DLGAP2: variants seen among roughly 807,000 people sequenced by gnomAD.
The protein encoded by DLGAP2 is disks large-associated protein 2.
Under a neutral mutation model 100.3 loss-of-function variants are expected in DLGAP2, and 26 were observed. The observed-to-expected ratio is 0.26, with a 90% CI of 0.19 to 0.36. DLGAP2 has a LOEUF of 0.36. DLGAP2 is among the 10% of genes least tolerant of loss of function. The pLI is 1.00. For missense variants in DLGAP2, 1,858 were observed against 1,453.2 expected (o/e 1.28, Z -4.53); for synonymous variants, 886 against 630.1 (o/e 1.41, Z -6.08).
intron 3 of DLGAP2, among the ~76,000 whole-genome samples, chr8:1,497,297 C>A (rs377162406): frequency 5.9e-5 from 9 of 152,224 alleles, no homozygotes; most frequent in Non-Finnish European, 1.3e-4. Context: ...CAGCCTCACA[C>A]ATGGGATGGG....
At chr8:1,369,271 C>T (rs1349182431) in intron 3 of DLGAP2, 1 of 152,068 alleles carries the variant, frequency 6.6e-6, no homozygotes, top group African/African-American at 2.4e-5. Context: ...GCCAGAAGTC[C>T]CAGATGGAGA....
At chr8:1,094,768 C>A (rs1266060629) in intron 2 of DLGAP2, among the ~76,000 whole-genome samples, 1 of 152,208 alleles carries the variant, frequency 6.6e-6, no homozygotes, top group Non-Finnish European at 1.5e-5. Flanking sequence ...AGGTTCTTCT[C>A]TTAGCGTGGG....
chr8:1,313,531 C>G (rs1410110461), intron 3 of DLGAP2, among the ~76,000 whole-genome samples: 6 of 152,028 alleles, frequency 3.9e-5, no homozygotes, highest in Non-Finnish European at 7.4e-5. Flanking sequence ...CAAGAATGGA[C>G]AAACAGTAGT....
chr8:1,461,090 G>A (rs1014877270), intron 3 of DLGAP2, among the ~76,000 whole-genome samples: 2 of 151,484 alleles, frequency 1.3e-5, no homozygotes, highest in Non-Finnish European at 2.9e-5. Context: ...TTGGGAGAAG[G>A]TGCTGCTGTC....
intron 2 of DLGAP2, among the ~76,000 whole-genome samples, chr8:951,110 C>G (rs1038536630): frequency 6.6e-6 from 1 of 152,148 alleles, no homozygotes; most frequent in African/African-American, 2.4e-5. Context: ...CATTGTATTG[C>G]CAATATCTTT....
chr8:1,356,121 A>G (rs941938985), intron 3 of DLGAP2, among the ~76,000 whole-genome samples: 1 of 152,146 alleles, frequency 6.6e-6, no homozygotes, highest in Admixed American at 6.5e-5. Flanking sequence ...CTGGGAGTTG[A>G]CGGACGGTTC....
intron 2 of DLGAP2, among the ~76,000 whole-genome samples, chr8:1,064,549 C>A (rs930358241): frequency 6.6e-6 from 1 of 152,232 alleles, no homozygotes; most frequent in East Asian, 1.9e-4. Context: ...CTCAAAACCA[C>A]CTGCAGTTGT....
intron 1 of DLGAP2, among the ~76,000 whole-genome samples, chr8:893,908 G>C (rs962087878): frequency 6.6e-6 from 1 of 152,224 alleles, no homozygotes; most frequent in African/African-American, 2.4e-5. Flanking sequence ...AGGTTCCCAT[G>C]GTTACTGTTG....
intron 3 of DLGAP2, among the ~76,000 whole-genome samples, chr8:1,282,531 A>G (rs1358071309): frequency 0.012 from 771 of 66,292 alleles, 84 homozygotes; most frequent in African/African-American, 0.064. Flanking sequence ...TGAACCCAGC[A>G]CCCTGAACCA....
intron 3 of DLGAP2, among the ~76,000 whole-genome samples, chr8:1,343,382 C>T (rs556965951): frequency 6.6e-6 from 1 of 152,050 alleles, no homozygotes; most frequent in African/African-American, 2.4e-5. Context: ...CCGGAGTTGC[C>T]CACGAGCCTG....
chr8:752,600 G>A (rs939495594), intron 1 of DLGAP2, among the ~76,000 whole-genome samples: 1 of 152,198 alleles, frequency 6.6e-6, no homozygotes, highest in African/African-American at 2.4e-5. Flanking sequence ...TCTCCAGACA[G>A]CTCTGTCCTT....
intron 8 of DLGAP2, among the ~76,000 whole-genome samples, chr8:1,655,435 A>G (rs559470259): frequency 6.6e-6 from 1 of 152,354 alleles, no homozygotes; most frequent in African/African-American, 2.4e-5. Flanking sequence ...GTTACATTCA[A>G]ATAGAATGGC....
At chr8:1,241,958 A>T (rs1218137448) in intron 2 of DLGAP2, among the ~76,000 whole-genome samples, 1 of 152,226 alleles carries the variant, frequency 6.6e-6, no homozygotes, top group Non-Finnish European at 1.5e-5. Context: ...CACTGCCTCT[A>T]CTGAAACATT....
rs1799146161 is a variant in DLGAP2 at position 1,254,974 on chromosome 8, T to TGTGTGTGTGTCCTCTCATCCTGC, written c.74-3877_74-3876insGTGTGTGTGTCCTCTCATCCTGC. On this transcript the variant is annotated intron_variant, in intron 2 of 14. Coordinates refer to ENST00000637795, the MANE Select transcript of DLGAP2 (RefSeq NM_001346810.2). ...GCTGTGTGTGTGTCCTCTCATCCTG[T>TGTGTGTGTGTCCTCTCATCCTGC]CCGGGTGCTGTGTGTGTGTCCTCTC... 1.9e-4 allele frequency among the ~76,000 whole-genome samples: 6 copies of TGTGTGTGTGTCCTCTCATCCTGC among 32,318 alleles called. 1 individual carries two copies. The highest frequency in any genetic ancestry group is 4.4e-4 in the African/African-American group (6 of 13,562). The allele number at this position is 32,318 out of a possible 152,430, so 21.2% of individuals were successfully genotyped here.
intron 2 of DLGAP2, among the ~76,000 whole-genome samples, chr8:1,065,634 A>C (rs1160975654): frequency 1.3e-5 from 2 of 152,152 alleles, no homozygotes; most frequent in African/African-American, 4.8e-5. Context: ...TTCCTTTCTT[A>C]TGGGATCATC....
chr8:1,704,764 GT>G lies in DLGAP2; in HGVS notation c.*3362del, dbSNP rs1395034473. The G allele has an allele frequency of 6.7e-6, 1 of 149,170 alleles. No homozygotes were observed. The highest frequency in any genetic ancestry group is 1.5e-5 in the Non-Finnish European group (1 of 67,906). The allele number at this position is 149,170 out of a possible 1,614,324, so 9.2% of individuals were successfully genotyped here. On this transcript the variant is annotated 3_prime_UTR_variant, in exon 15 of 15. Transcript: ENST00000637795. ...ATATAATTACCTGTAAGGTTATCTG[GT>G]TTTAAAAGAAAAAAAAAAAGCCTAC...
rs146678580 is a variant in DLGAP2, at chr8:1,463,751, C to T, written c.107-37615C>T. Among the ~76,000 whole-genome samples, 1,221 of 152,348 alleles carry T rather than the reference C, an allele frequency of 8.0e-3. 4 individuals carry two copies. The highest frequency in any genetic ancestry group is 0.044 in the Middle Eastern group (13 of 294). ...ACATGGTGTGAGCGGCCCAGGCCCTCCTCCGTCAGATGGGCCTGGAGCACG... is the reference window on the plus strand; with the variant it reads ...ACATGGTGTGAGCGGCCCAGGCCCTTCTCCGTCAGATGGGCCTGGAGCACG... On this transcript the variant is annotated intron_variant, in intron 3 of 14. Coordinates refer to ENST00000637795, the MANE Select transcript of DLGAP2 (RefSeq NM_001346810.2).
At chr8:950,412 C>A (rs1311487837) in intron 2 of DLGAP2, among the ~76,000 whole-genome samples, 1 of 152,128 alleles carries the variant, frequency 6.6e-6, no homozygotes, top group Non-Finnish European at 1.5e-5. Flanking sequence ...ATGCCTCTTA[C>A]CAAGCGCTTC....
At chr8:1,050,218 T>G (rs4735974) in intron 2 of DLGAP2, among the ~76,000 whole-genome samples, 68,486 of 152,110 alleles carry the variant, frequency 0.45, 16,027 homozygotes, top group African/African-American at 0.58. Context: ...TGTAAATACC[T>G]ACAGTCCCCG....
Sources: allele counts gnomAD v4.1 joint callset (sites outside exome capture counted in the v4.1 genomes callset), GRCh38; gene constraint gnomAD v4.1.1; transcripts MANE v1.5; gene names NCBI Gene and HGNC (gene_info 2026-07-23, HGNC 2026-07-21).